Variants in ZYG11A observed in about 807,000 individuals in gnomAD.
ZYG11A encodes protein zyg-11 homolog A.
A neutral mutation model predicts 77.2 loss-of-function variants in ZYG11A; 62 were observed. That is an observed-to-expected ratio of 0.80 (90% confidence interval 0.65 to 0.99). The LOEUF is 0.99. Among genes scored for constraint, ZYG11A ranks in the 50% least tolerant of loss-of-function variants. The pLI is 0.00. For synonymous variants in ZYG11A, 315 were observed against 324.6 expected (o/e 0.97, Z 0.32); for missense variants, 828 against 896.8 (o/e 0.92, Z 0.98).
chr1:52,880,011 G>T (rs1646336549), intron 10 of ZYG11A, among the ~76,000 whole-genome samples: 1 of 148,774 alleles, frequency 6.7e-6, no homozygotes, highest in Admixed American at 6.7e-5. Flanking sequence ...TGATCCACCT[G>T]CCTCAGCCTC....
chr1:52,861,541 AAAC>A (rs1363267657), intron 4 of ZYG11A, among the ~76,000 whole-genome samples: 6 of 152,064 alleles, frequency 3.9e-5, no homozygotes, highest in Admixed American at 3.9e-4. Context: ...TCTCCACTAA[AAAC>A]AATACAAAAA....
intron 1 of ZYG11A, 54 bp downstream of exon 1, chr1:52,843,027 G>A (rs1035301031): frequency 1.4e-6 from 2 of 1,423,622 alleles, no homozygotes; most frequent in Non-Finnish European, 1.9e-6. Context: ...GTCCAGCTCC[G>A]GCGAGCGCGG....
chr1:52,856,757 T>TA (rs1353800963), intron 2 of ZYG11A, among the ~76,000 whole-genome samples: 4 of 152,214 alleles, frequency 2.6e-5, no homozygotes, highest in African/African-American at 9.6e-5. Context: ...TTACTTAACC[T>TA]ATTCAAGTTT....
intron 5 of ZYG11A, among the ~76,000 whole-genome samples, chr1:52,864,534 G>A (rs1446020344): frequency 1.3e-5 from 2 of 152,166 alleles, no homozygotes; most frequent in Admixed American, 1.3e-4. Context: ...GGATAAATAT[G>A]TGAAAAATAG....
chr1:52,863,365 CT>C, intron 4 of ZYG11A, among the ~76,000 whole-genome samples: 1 of 152,260 alleles, frequency 6.6e-6, no homozygotes, highest in Non-Finnish European at 1.5e-5. Context: ...TTATCCCATC[CT>C]TTTTTTCCAC....
intron 8 of ZYG11A, among the ~76,000 whole-genome samples, chr1:52,869,281 G>T (rs1254669301): frequency 1.4e-4 from 18 of 126,928 alleles, no homozygotes; most frequent in South Asian, 5.1e-4. Context: ...ATTCTTGGGT[G>T]TTTCTCGCAG....
At chr1:52,854,364 C>CAGAT in intron 1 of ZYG11A, 101 bp from the exon 2 acceptor site, 1 of 1,082,920 alleles carries the variant, frequency 9.2e-7, no homozygotes, top group Non-Finnish European at 1.3e-6. Context: ...GATGTATCTT[C>CAGAT]AGATACTCTC....
At chr1:52,843,688 C>CTTT (rs71044427) in intron 1 of ZYG11A, among the ~76,000 whole-genome samples, 7,975 of 130,406 alleles carry the variant, frequency 0.061, 692 homozygotes, top group African/African-American at 0.18. Context: ...TTCTTTCTTT[C>CTTT]TTTTTTTTTT....
chr1:52,885,752 A>G (rs1455405510), intron 11 of ZYG11A, 81 bp from the exon 12 acceptor site: 25 of 1,075,134 alleles, frequency 2.3e-5, no homozygotes, highest in East Asian at 7.8e-5. Flanking sequence ...AATTTGTTCA[A>G]TCGTTCCCAG....
Position 52,880,026 on chromosome 1 carries a change from AGTGCTGG to A in ZYG11A, c.1750-1443_1750-1437del, listed in dbSNP as rs985892258. 3.4e-5 allele frequency among the ~76,000 whole-genome samples: 5 copies of A among 147,070 alleles called. No individual in the cohort carries two copies. In the Admixed American group the frequency reaches 3.4e-4, roughly 10 times the overall value. On this transcript the variant is annotated intron_variant, in intron 10 of 13. Coordinates refer to ENST00000371528, the MANE Select transcript of ZYG11A (RefSeq NM_001004339.3). ...TGATCCACCTGCCTCAGCCTCCCAA[AGTGCTGG>A]GATTATAGGCATGAGCTACCGCACC...
intron 11 of ZYG11A, among the ~76,000 whole-genome samples, chr1:52,883,991 C>T (rs1346576993): frequency 2.7e-5 from 4 of 150,810 alleles, no homozygotes; most frequent in African/African-American, 9.9e-5. Context: ...GTGATCCCTC[C>T]GCCTCCCGAG....
intron 1 of ZYG11A, among the ~76,000 whole-genome samples, chr1:52,846,097 T>G (rs1444964489): frequency 6.6e-6 from 1 of 151,712 alleles, no homozygotes. Context: ...CTCTTTTGAC[T>G]TAGTAGTTCT....
At chr1:52,882,100 C>A (rs1331447376) in intron 11 of ZYG11A, among the ~76,000 whole-genome samples, 2 of 152,114 alleles carry the variant, frequency 1.3e-5, no homozygotes, top group Non-Finnish European at 2.9e-5. Flanking sequence ...GCCATGTTGG[C>A]CAGGCTGTTC....
In ZYG11A at chr1:52,857,560, A is replaced by G. The variant is rs1042756907; in HGVS notation, c.819A>G (p.Leu273=). 1.6e-5 allele frequency: 25 copies of G among 1,551,950 alleles called. No individual in the cohort carries two copies. The highest frequency in any genetic ancestry group is 2.7e-5 in the African/African-American group (2 of 73,054). The change falls in exon 3 of 14, where the codon CTA becomes CTG. Residue 273 remains leucine, a synonymous_variant. Transcript: ENST00000371528. Reference sequence around the variant, plus strand: ...ATCACAGGCAACTCAAATCAGACCTAGCTTTTCATTTGCTACAGCAGAAGG... The same window carrying G: ...ATCACAGGCAACTCAAATCAGACCTGGCTTTTCATTTGCTACAGCAGAAGG... ...ISDHRQLKSD[L]AFHLLQQKDI...
chr1:52,881,548 C>T lies in ZYG11A; in HGVS notation c.1827C>T (p.Leu609=). 1 of 1,552,042 alleles carries T rather than the reference C, an allele frequency of 6.4e-7. No individual in the cohort carries two copies. The highest frequency in any genetic ancestry group is 8.7e-7 in the Non-Finnish European group (1 of 1,147,054). ...EDVLKHINSL[L]CSREMEVSYF... ...TGCTGAAGCATATCAACAGTTTACT[C>T]TGTAGCAGGGAAATGGAAGTCAGCT... The change falls in exon 11 of 14, where the codon CTC becomes CTT. Residue 609 remains leucine, a synonymous_variant. Transcript: ENST00000371528.
intron 12 of ZYG11A, 40 bp from the exon 13 acceptor site, chr1:52,886,916 C>A: frequency 1.9e-6 from 2 of 1,037,952 alleles, no homozygotes; most frequent in Non-Finnish European, 2.9e-6. Flanking sequence ...ACTGGCCTAA[C>A]TGTTCTGGAT....
chr1:52,884,782 C>A (rs1377495177), intron 11 of ZYG11A, among the ~76,000 whole-genome samples: 4 of 152,210 alleles, frequency 2.6e-5, no homozygotes, highest in Non-Finnish European at 5.9e-5. Context: ...CTGTTTTTAT[C>A]ATGGTGTTCC....
chr1:52,882,040 G>A (rs1159266491), intron 11 of ZYG11A, among the ~76,000 whole-genome samples: 1 of 151,986 alleles, frequency 6.6e-6, no homozygotes, highest in East Asian at 1.9e-4. Context: ...GACTATAGGT[G>A]TGTGCCACCA....
rs575924013 is a variant in ZYG11A, at chr1:52,854,339, T to C, written c.91-126T>C. 6 of 868,068 alleles carry C rather than the reference T, an allele frequency of 6.9e-6. No individual in the cohort carries two copies. The African/African-American group carries it at 1.0e-4, about 15-fold the overall frequency. The allele number at this position is 868,068 out of a possible 1,614,324, so 53.8% of individuals were successfully genotyped here. On this transcript the variant is annotated intron_variant, in intron 1 of 13. Transcript: ENST00000371528. ...GGTGGTTTCGTTACATATAAATCAT[T>C]ACTAGAGTATGAAGGATGTATCTTC...
Sources: gnomAD v4.1 joint callset for allele counts (sites outside exome capture counted in the v4.1 genomes callset) on GRCh38, gnomAD v4.1.1 for gene constraint, MANE v1.5 for transcripts, NCBI Gene and HGNC (gene_info 2026-07-23, HGNC 2026-07-21) for gene names.